The following TSPAN18 variants were observed in gnomAD, a reference collection of about 807,000 sequenced individuals.
TSPAN18 encodes the protein tetraspanin-18.
Under a neutral mutation model 27.3 loss-of-function variants are expected in TSPAN18, and 14 were observed. The ratio of observed to expected loss-of-function variants is 0.51; its 90% CI spans 0.34 to 0.80. TSPAN18 has a LOEUF of 0.80. Ranked by LOEUF, TSPAN18 falls within the 30% of genes least tolerant of loss-of-function variation. The pLI is 0.01. For synonymous variants in TSPAN18, 143 were observed against 136.5 expected, an observed-to-expected ratio of 1.05 and a Z score of -0.33; for missense variants, 268 against 323.9, an observed-to-expected ratio of 0.83 and a Z score of 1.32.
At chr11:44,919,643 G>C in intron 7 of TSPAN18, 174 bp from the exon 8 acceptor site, 1 of 689,008 alleles carries the variant, frequency 1.5e-6, no homozygotes, top group Non-Finnish European at 2.5e-6. Context: ...TGAGGACACT[G>C]AAGGCCCAGA....
intron 9 of TSPAN18, among the ~76,000 whole-genome samples, chr11:44,927,050 C>T (rs1860386263): frequency 2.0e-5 from 3 of 152,244 alleles, no homozygotes; most frequent in Admixed American, 1.3e-4. Flanking sequence ...TCCGCCCCAG[C>T]TCCATGGTCC....
At chr11:44,877,921 C>T (rs2135251985) in intron 3 of TSPAN18, among the ~76,000 whole-genome samples, 1 of 152,184 alleles carries the variant, frequency 6.6e-6, no homozygotes, top group Middle Eastern at 3.4e-3. Context: ...GCCTAATACC[C>T]TGTACTGTGG....
chr11:44,813,463 C>T (rs745601838), intron 2 of TSPAN18, among the ~76,000 whole-genome samples: 31 of 152,182 alleles, frequency 2.0e-4, no homozygotes, highest in South Asian at 2.1e-4. Context: ...GCTCAGCACA[C>T]GGTGGTTATG....
intron 2 of TSPAN18, among the ~76,000 whole-genome samples, chr11:44,814,773 G>A (rs1158953613): frequency 2.0e-5 from 3 of 152,144 alleles, no homozygotes; most frequent in Non-Finnish European, 4.4e-5. Context: ...TATGAACAGG[G>A]CCTACAAGGT....
rs537020068 is a variant in TSPAN18, at chr11:44,830,669, C to T, written c.-152-29659C>T. ...TTCAAATTCCCACAGGGCCAGGCAC[C>T]TAACACAAATAAGTAAGCAAATTCA... On this transcript the variant is annotated intron_variant, in intron 2 of 9. Coordinates refer to ENST00000520358, the MANE Select transcript of TSPAN18 (RefSeq NM_130783.5). 7.9e-5 allele frequency among the ~76,000 whole-genome samples: 12 copies of T among 152,276 alleles called. No homozygotes were observed. The East Asian group carries it at 2.1e-3, about 27-fold the overall frequency.
chr11:44,915,594 C>A (rs1382079341), intron 5 of TSPAN18, among the ~76,000 whole-genome samples: 1 of 152,212 alleles, frequency 6.6e-6, no homozygotes, highest in Non-Finnish European at 1.5e-5. Flanking sequence ...GGCCACCCAG[C>A]AAACCTCAGC....
At chr11:44,857,217 A>G (rs538281954) in intron 2 of TSPAN18, among the ~76,000 whole-genome samples, 1 of 152,328 alleles carries the variant, frequency 6.6e-6, no homozygotes, top group African/African-American at 2.4e-5. Context: ...TATCTTGATC[A>G]CTGGGATTAG....
Position 44,931,904 on chromosome 11 carries a change from T to TAACA in TSPAN18, c.*2727_*2730dup, listed in dbSNP as rs1391721885. The TAACA allele has an allele frequency of 6.6e-6, 1 of 152,178 alleles. No individual in the cohort carries two copies. Among genetic ancestry groups the TAACA allele is most frequent in the African/African-American group, 2.4e-5 (1 of 41,414 alleles). The allele number at this position is 152,178 out of a possible 1,614,324, so 9.4% of individuals were successfully genotyped here. On this transcript the variant is annotated 3_prime_UTR_variant, in exon 10 of 10. Transcript: ENST00000520358. ...TAACAGAGACTTCCTCGGACCCCAC[T>TAACA]AACAGGGCAAGGAACAAGAAGACTA...
chr11:44,866,692 T>G (rs796637513), intron 3 of TSPAN18, among the ~76,000 whole-genome samples: 28 of 152,264 alleles, frequency 1.8e-4, no homozygotes, highest in African/African-American at 6.3e-4. Flanking sequence ...CTGGCTGATC[T>G]CCAGAAACAC....
At chr11:44,758,220 G>T (rs1337756651) in intron 1 of TSPAN18, among the ~76,000 whole-genome samples, 1 of 152,126 alleles carries the variant, frequency 6.6e-6, no homozygotes, top group South Asian at 2.1e-4. Context: ...ACTGTTTTGA[G>T]ATAGTTTTCT....
chr11:44,854,934 G>A (rs1857696982), intron 2 of TSPAN18, among the ~76,000 whole-genome samples: 1 of 152,204 alleles, frequency 6.6e-6, no homozygotes, highest in South Asian at 2.1e-4. Flanking sequence ...ATGATACTTA[G>A]TGAGTAAACA....
intron 2 of TSPAN18, among the ~76,000 whole-genome samples, chr11:44,842,222 C>G (rs1010631447): frequency 1.9e-4 from 29 of 152,232 alleles, no homozygotes; most frequent in African/African-American, 7.0e-4. Context: ...TCCTCAGGTC[C>G]AACCGTGGCT....
At chr11:44,828,074 C>T (rs1350693430) in intron 2 of TSPAN18, among the ~76,000 whole-genome samples, 1 of 152,076 alleles carries the variant, frequency 6.6e-6, no homozygotes, top group Non-Finnish European at 1.5e-5. Context: ...TTATTGTTAT[C>T]ATTATTATGT....
intron 1 of TSPAN18, among the ~76,000 whole-genome samples, chr11:44,741,134 C>T (rs569942872): frequency 1.1e-4 from 16 of 152,158 alleles, no homozygotes; most frequent in Admixed American, 3.9e-4. Context: ...CTCAGGAAGC[C>T]GAGGCGTGGT....
chr11:44,807,527 C>CAAAAAAAAAAAAAAAAAA (rs59241339), intron 2 of TSPAN18, among the ~76,000 whole-genome samples: 15 of 64,472 alleles, frequency 2.3e-4, no homozygotes, highest in South Asian at 6.1e-4. Flanking sequence ...AACTCCATCT[C>CAAAAAAAAAAAAAAAAAA]AAAAAAAAAA....
At chr11:44,778,064 G>A (rs2134939929) in intron 2 of TSPAN18, among the ~76,000 whole-genome samples, 1 of 152,194 alleles carries the variant, frequency 6.6e-6, no homozygotes, top group South Asian at 2.1e-4. Flanking sequence ...CCAGGTGGGG[G>A]GTGGGGCAGT....
chr11:44,777,272 C>T (rs1055163805), intron 2 of TSPAN18, among the ~76,000 whole-genome samples: 2 of 152,124 alleles, frequency 1.3e-5, no homozygotes, highest in African/African-American at 2.4e-5. Context: ...GTGAAGAGAC[C>T]TATGTGTGAC....
chr11:44,763,160 G>C (rs1364524948), intron 1 of TSPAN18, among the ~76,000 whole-genome samples: 1 of 152,196 alleles, frequency 6.6e-6, no homozygotes. Flanking sequence ...TATCATTCGA[G>C]AGACCTGAAA....
At chr11:44,876,800 G>A (rs1247593630) in intron 3 of TSPAN18, among the ~76,000 whole-genome samples, 1 of 152,198 alleles carries the variant, frequency 6.6e-6, no homozygotes, top group African/African-American at 2.4e-5. Context: ...TTTTTAACAT[G>A]ATTGGGAAAG....
Sources: allele counts gnomAD v4.1 joint callset (sites outside exome capture counted in the v4.1 genomes callset), GRCh38; gene constraint gnomAD v4.1.1; transcripts MANE v1.5; gene names NCBI Gene and HGNC (gene_info 2026-07-23, HGNC 2026-07-21).